Variants in ICAM1 observed in about 807,000 individuals in gnomAD.
The protein encoded by ICAM1 is ICAM-1.
Under a neutral mutation model 42.3 loss-of-function variants are expected in ICAM1, and 28 were observed. The ratio of observed to expected loss-of-function variants is 0.66; its 90% CI spans 0.49 to 0.91. ICAM1 has a LOEUF of 0.91. ICAM1 is among the 40% of genes least tolerant of loss of function. The pLI is 0.00. For missense variants in ICAM1, 637 were observed against 688.6 expected (o/e 0.93, Z 0.84); for synonymous variants, 304 against 305.9 (o/e 0.99, Z 0.07).
intron 2 of ICAM1, 134 bp from the exon 3 acceptor site, chr19:10,283,347 C>T: frequency 1.3e-6 from 1 of 794,762 alleles, no homozygotes; most frequent in Non-Finnish European, 2.0e-6. Context: ...TCTTGACATT[C>T]CTATCTGCTT....
rs2040004075 is a variant in ICAM1, at chr19:10,274,640, C to A, written c.68-125C>A. On this transcript the variant is annotated intron_variant, in intron 1 of 6. Coordinates refer to ENST00000264832, the MANE Select transcript of ICAM1 (RefSeq NM_000201.3). ...TGCTCATGAATTTTCTCTTTAACTT[C>A]CACATCGAAGGCAAAGTATTGTCTT... 19 of 1,114,360 alleles carry A rather than the reference C, an allele frequency of 1.7e-5. No homozygotes were observed. The Admixed American group carries it at 4.7e-4, about 28-fold the overall frequency. The allele number at this position is 1,114,360 out of a possible 1,614,324, so 69.0% of individuals were successfully genotyped here.
chr19:10,274,928 G>T lies in ICAM1; in HGVS notation c.231G>T (p.Lys77Asn). Reference sequence around the variant, plus strand: ...TGCTCCTGCCTGGGAACAACCGGAAGGTGTATGAACTGAGCAATGTGCAAG... The same window carrying T: ...TGCTCCTGCCTGGGAACAACCGGAATGTGTATGAACTGAGCAATGTGCAAG... The part of the protein sequence containing the change: ...KELLLPGNNR[K>N]VYELSNVQED... The change falls in exon 2 of 7, where the codon AAG becomes AAT. Residue 77 changes from lysine to asparagine, a missense_variant. Lys to Asn is a moderately conservative substitution (Grantham distance 94, BLOSUM62 0). Transcript: ENST00000264832. 1 of 1,614,134 alleles carries T rather than the reference G, an allele frequency of 6.2e-7. No homozygotes were observed. The highest frequency in any genetic ancestry group is 2.2e-5 in the East Asian group (1 of 44,892).
Position 10,286,608 on chromosome 19 carries a change from C to T in ICAM1, c.*1321C>T, listed in dbSNP as rs2040110483. On this transcript the variant is annotated 3_prime_UTR_variant, in exon 7 of 7. Coordinates refer to ENST00000264832, the MANE Select transcript of ICAM1 (RefSeq NM_000201.3). The stretch of plus-strand genomic sequence containing the variant: ...TTTGTGTTAGTTAATAAAGCTTTCT[C>T]AACTGCCTCAGCCTTGTGTGAGTTG... The T allele has an allele frequency of 4.9e-6, 1 of 203,850 alleles. No individual in the cohort carries two copies. 12.6% of individuals were successfully genotyped at this position (203,850 alleles called of 1,614,324 possible). A position where few individuals can be genotyped will look rare whatever the true frequency, so the allele number is the denominator to read the frequency against.
intron 2 of ICAM1, 52 bp downstream of exon 2, chr19:10,275,080 G>C (rs371228673): frequency 1.3e-6 from 2 of 1,578,242 alleles, no homozygotes; most frequent in African/African-American, 2.7e-5. Context: ...TGGGAGAGAC[G>C]TGCAGGGGCA....
chr19:10,283,416 G>A, intron 2 of ICAM1, 65 bp from the exon 3 acceptor site: 1 of 1,477,220 alleles, frequency 6.8e-7, no homozygotes, highest in Non-Finnish European at 9.0e-7. Context: ...GGCAGGTGCA[G>A]TTCGTCTGTT....
intron 3 of ICAM1, 45 bp downstream of exon 3, chr19:10,283,831 T>G: frequency 1.3e-6 from 2 of 1,538,162 alleles, no homozygotes; most frequent in Non-Finnish European, 1.8e-6. Flanking sequence ...GGGTGGGGTA[T>G]CCTGCAATGC....
intron 3 of ICAM1, 113 bp downstream of exon 3, chr19:10,283,899 G>C: frequency 1.4e-6 from 2 of 1,434,114 alleles, no homozygotes; most frequent in Non-Finnish European, 1.9e-6. Flanking sequence ...AGGGGTGCAT[G>C]TGTTCTAGGC....
At chr19:10,271,384 C>T (rs184851859) in intron 1 of ICAM1, among the ~76,000 whole-genome samples, 158 bp downstream of exon 1, 4 of 152,238 alleles carry the variant, frequency 2.6e-5, no homozygotes, top group Admixed American at 2.6e-4. Context: ...AATCCAGACC[C>T]TGCATACCTC....
At chr19:10,271,490 G>C (rs950365338) in intron 1 of ICAM1, among the ~76,000 whole-genome samples, 1 of 152,076 alleles carries the variant, frequency 6.6e-6, no homozygotes, top group African/African-American at 2.4e-5. Context: ...GCCCAGGCCG[G>C]TCTTGAACTC....
At chr19:10,275,150 G>C in intron 2 of ICAM1, 122 bp downstream of exon 2, 3 of 981,024 alleles carry the variant, frequency 3.1e-6, no homozygotes, top group Non-Finnish European at 4.6e-6. Context: ...GGGGCTCCTT[G>C]CAGGGCAGGT....
rs1000675984 is a variant in ICAM1 at position 10,285,576 on chromosome 19, G to A, written c.*289G>A. 1.8e-4 allele frequency: 66 copies of A among 370,364 alleles called. No homozygotes were observed. Among genetic ancestry groups the A allele is most frequent in the Admixed American group, 3.1e-4 (7 of 22,908 alleles). 22.9% of individuals were successfully genotyped at this position (370,364 alleles called of 1,614,324 possible). On this transcript the variant is annotated 3_prime_UTR_variant, in exon 7 of 7. Transcript: ENST00000264832. The stretch of plus-strand genomic sequence containing the variant: ...GTTAAAGTCTAGCCTGATGAGAGGG[G>A]AAGTGGTGGGGGAGACATAGCCCCA...
intron 2 of ICAM1, among the ~76,000 whole-genome samples, chr19:10,276,010 G>T (rs1255686707): frequency 6.6e-6 from 1 of 150,756 alleles, no homozygotes; most frequent in East Asian, 2.0e-4. Flanking sequence ...GCCCATCCAA[G>T]ACCCTGTTTC....
rs376045646 is a variant in ICAM1, at chr19:10,285,109, C to T, written c.1427-6C>T. The stretch of plus-strand genomic sequence containing the variant: ...ATCCTCACCGCCTGTTGTATCCTCC[C>T]CACAGCCCCCCGGTATGAGATTGTC... On this transcript the variant is annotated splice_region_variant and splice_polypyrimidine_tract_variant and intron_variant, in intron 6 of 6. Transcript: ENST00000264832. The T allele has an allele frequency of 9.0e-5, 145 of 1,613,940 alleles. No individual in the cohort carries two copies. Among genetic ancestry groups the T allele is most frequent in the Non-Finnish European group, 1.2e-4 (138 of 1,180,012 alleles).
chr19:10,275,059 G>A, intron 2 of ICAM1, 31 bp downstream of exon 2: 2 of 1,606,976 alleles, frequency 1.2e-6, no homozygotes, highest in Non-Finnish European at 1.7e-6. Flanking sequence ...GGCTGGACTA[G>A]GCAGACCCGG....
chr19:10,279,390 A>T (rs2040039787), intron 2 of ICAM1, among the ~76,000 whole-genome samples: 1 of 152,260 alleles, frequency 6.6e-6, no homozygotes, highest in South Asian at 2.1e-4. Context: ...AGAAAAAATA[A>T]AAAAATTAGG....
In ICAM1 at chr19:10,274,841, C is replaced by A. The variant is rs200156450; in HGVS notation, c.144C>A (p.Cys48Ter). 1.7e-5 allele frequency: 27 copies of A among 1,614,132 alleles called. No homozygotes were observed. The highest frequency in any genetic ancestry group is 2.2e-5 in the Non-Finnish European group (26 of 1,180,048). The part of the protein sequence containing the change: ...LPRGGSVLVT[C>*]STSCDQPKLL... ...GGGGAGGCTCCGTGCTGGTGACATG[C>A]AGCACCTCCTGTGACCAGCCCAAGT... Residue 48 changes from cysteine (C) to a stop codon, truncating the protein, a stop_gained, in exon 2 of 7, where the codon TGC (cysteine) becomes TGA (stop). Coordinates refer to ENST00000264832, the MANE Select transcript of ICAM1 (RefSeq NM_000201.3). LOFTEE classifies it high-confidence loss of function.
At position 10,274,958 on chromosome 19, in the gene ICAM1, T is replaced by G; in HGVS notation, c.261T>G (p.Asp87Glu). The change falls in exon 2 of 7, where the codon GAT (aspartate) becomes GAG (glutamate). Residue 87 changes from aspartate (D) to glutamate (E), a missense_variant. Coordinates refer to ENST00000264832, the MANE Select transcript of ICAM1 (RefSeq NM_000201.3). ...ATGAACTGAGCAATGTGCAAGAAGATAGCCAACCAATGTGCTATTCAAACT... is the reference window on the plus strand; with the variant it reads ...ATGAACTGAGCAATGTGCAAGAAGAGAGCCAACCAATGTGCTATTCAAACT... ...KVYELSNVQE[D>E]SQPMCYSNCP... is the part of the protein sequence containing the mutation. 6.2e-7 allele frequency: 1 copy of G among 1,614,216 alleles called. No individual in the cohort carries two copies. The highest frequency in any genetic ancestry group is 8.5e-7 in the Non-Finnish European group (1 of 1,180,044).
In ICAM1 at chr19:10,271,233, C is replaced by T. The variant is rs878862001; in HGVS notation, c.67+7C>T. The stretch of plus-strand genomic sequence containing the variant: ...CTCGGGGCTCTGTTCCCAGGTGAGT[C>T]GGGGTGGGGATTGCCGTCGGGCCAG... On this transcript the variant is annotated splice_region_variant and intron_variant, in intron 1 of 6. Transcript: ENST00000264832. The T allele has an allele frequency of 3.1e-6, 5 of 1,612,254 alleles. No individual in the cohort carries two copies. Among genetic ancestry groups the T allele is most frequent in the South Asian group, 2.2e-5 (2 of 90,854 alleles).
rs1425155250 is a variant in ICAM1 at position 10,284,175 on chromosome 19, C to T, written c.780C>T (p.Asn260=). 6.2e-6 allele frequency: 10 copies of T among 1,613,954 alleles called. No individual in the cohort carries two copies. The highest frequency in any genetic ancestry group is 8.5e-6 in the Non-Finnish European group (10 of 1,180,038). ...VHLALGDQRL[N]PTVTYGNDSF... is the part of the protein sequence containing the mutation. ...TGGCACTGGGGGACCAGAGGTTGAA[C>T]CCCACAGTCACCTATGGCAACGACT... The change falls in exon 4 of 7, where the codon AAC becomes AAT. Residue 260 remains asparagine, a synonymous_variant. Transcript: ENST00000264832. This position sits in a 1 kb window ranked among gnomAD's most constrained non-coding sequence, Gnocchi z 5.4.
Sources: allele counts gnomAD v4.1 joint callset (sites outside exome capture counted in the v4.1 genomes callset), GRCh38; gene constraint gnomAD v4.1.1; non-coding constraint Gnocchi (gnomAD v3.1); transcripts MANE v1.5; gene names NCBI Gene and HGNC (gene_info 2026-07-23, HGNC 2026-07-21).